RBPMS: variants seen among roughly 807,000 people sequenced by gnomAD.
The protein encoded by RBPMS is RNA-binding protein with multiple splicing.
RBPMS carries 7 observed loss-of-function variants against 26.8 expected under a neutral mutation model. That is an observed-to-expected ratio of 0.26 (90% confidence interval 0.15 to 0.49). RBPMS has a LOEUF of 0.49. Among genes scored for constraint, RBPMS ranks in the 20% least tolerant of loss-of-function variants. The pLI is 0.98. For missense variants in RBPMS, 186 were observed against 250.0 expected, an observed-to-expected ratio of 0.74 and a Z score of 1.73; for synonymous variants, 96 against 93.3, an observed-to-expected ratio of 1.03 and a Z score of -0.17.
intron 1 of RBPMS, chr8:30,442,930 C>T (rs1177337330): frequency 1.3e-5 from 2 of 152,198 alleles, no homozygotes; most frequent in East Asian, 3.8e-4. Flanking sequence ...GCGATAAGCT[C>T]TCCGACCGTG....
At chr8:30,530,528 T>G (rs1233676534) in intron 5 of RBPMS, among the ~76,000 whole-genome samples, 1 of 152,174 alleles carries the variant, frequency 6.6e-6, no homozygotes, top group African/African-American at 2.4e-5. Flanking sequence ...AGTGGTGCGA[T>G]CTCAGCTCAC....
chr8:30,553,091 T>C (rs1826532296), intron 6 of RBPMS: 2 of 152,268 alleles, frequency 1.3e-5, no homozygotes, highest in African/African-American at 2.4e-5. Flanking sequence ...ACATTCTGCC[T>C]AGATCATAGC....
chr8:30,568,053 C>A (rs377467958), intron 8 of RBPMS, among the ~76,000 whole-genome samples: 1 of 152,204 alleles, frequency 6.6e-6, no homozygotes, highest in African/African-American at 2.4e-5. Context: ...GAAGACCATG[C>A]CCCTAGAGGC....
At chr8:30,558,398 C>A (rs1365991760) in intron 6 of RBPMS, 2 of 193,626 alleles carry the variant, frequency 1.0e-5, no homozygotes, top group African/African-American at 2.3e-5. Flanking sequence ...AAGCTGGAAC[C>A]CTTTTTTTAA....
intron 4 of RBPMS, among the ~76,000 whole-genome samples, chr8:30,483,249 T>C (rs558988025): frequency 2.8e-4 from 42 of 152,320 alleles, no homozygotes; most frequent in Admixed American, 5.2e-4. Context: ...TAAAAAGTTT[T>C]GGACTCTTTA....
chr8:30,389,079 A>G (rs568691576), intron 1 of RBPMS, among the ~76,000 whole-genome samples: 2 of 152,354 alleles, frequency 1.3e-5, no homozygotes, highest in Non-Finnish European at 2.9e-5. Flanking sequence ...TCAAATTTTC[A>G]TTGAGCATTA....
At chr8:30,544,874 C>T in intron 6 of RBPMS, 1 of 1,502,070 alleles carries the variant, frequency 6.7e-7, no homozygotes, top group Non-Finnish European at 8.9e-7. Context: ...GATCTCACCT[C>T]ATATCGCACA....
intron 6 of RBPMS, chr8:30,553,707 T>C (rs1199181646): frequency 6.6e-6 from 1 of 152,234 alleles, no homozygotes; most frequent in Non-Finnish European, 1.5e-5. Flanking sequence ...CTTCAAAACA[T>C]TAACCCATTA....
Position 30,385,080 on chromosome 8 carries a change from A to T in RBPMS, c.-13A>T. 12 of 1,507,262 alleles carry T rather than the reference A, an allele frequency of 8.0e-6. No individual in the cohort carries two copies. The highest frequency in any genetic ancestry group is 1.1e-5 in the Non-Finnish European group (12 of 1,127,514). The allele number at this position is 1,507,262 out of a possible 1,614,324, so 93.4% of individuals were successfully genotyped here. On this transcript the variant is annotated 5_prime_UTR_variant, in exon 1 of 9. Coordinates refer to ENST00000397323, the MANE Select transcript of RBPMS (RefSeq NM_001008710.3). ...CCCAGCCCTGCCCGGCCCGGCGAGGAAGGACCGGGAAGATGAACAACGGCG... is the reference window on the plus strand; with the variant it reads ...CCCAGCCCTGCCCGGCCCGGCGAGGTAGGACCGGGAAGATGAACAACGGCG...
chr8:30,539,633 C>CT (rs111726637), intron 5 of RBPMS, among the ~76,000 whole-genome samples: 33,348 of 144,892 alleles, frequency 0.23, 3,769 homozygotes, highest in South Asian at 0.39. Flanking sequence ...AAAATCTTTT[C>CT]TTTTTTTTTT....
chr8:30,551,175 T>C (rs533580720), intron 6 of RBPMS, among the ~76,000 whole-genome samples: 5 of 142,568 alleles, frequency 3.5e-5, no homozygotes, highest in Non-Finnish European at 6.3e-5. Context: ...CTTCCGTCAT[T>C]TGCAGTGAGA....
chr8:30,528,781 G>T (rs1290447575), intron 5 of RBPMS, among the ~76,000 whole-genome samples: 3 of 152,164 alleles, frequency 2.0e-5, no homozygotes, highest in Non-Finnish European at 4.4e-5. Flanking sequence ...AGCCAAGTCT[G>T]TCAGGTCACA....
chr8:30,521,041 G>A lies in RBPMS; in HGVS notation c.397+16605G>A, dbSNP rs1010468927. On this transcript the variant is annotated intron_variant, in intron 5 of 8. Coordinates refer to ENST00000397323, the MANE Select transcript of RBPMS (RefSeq NM_001008710.3). ...TCTTGTAAAAAGTGTGTCTTTGCAC[G>A]TAAGATAAACATAAAACAGACTGAG... Among the ~76,000 whole-genome samples, 6 of 152,154 alleles carry A rather than the reference G, an allele frequency of 3.9e-5. No homozygotes were observed. The East Asian group carries it at 7.7e-4, about 20-fold the overall frequency.
intron 4 of RBPMS, among the ~76,000 whole-genome samples, chr8:30,487,358 G>A (rs1261004032): frequency 1.3e-5 from 2 of 152,184 alleles, no homozygotes; most frequent in East Asian, 3.8e-4. Context: ...GCTCCACAAA[G>A]CTAGAACCCT....
intron 5 of RBPMS, among the ~76,000 whole-genome samples, chr8:30,532,895 C>G (rs897563221): frequency 3.3e-5 from 5 of 152,122 alleles, no homozygotes; most frequent in African/African-American, 1.2e-4. Context: ...AGGATACATT[C>G]AGTTAAACAG....
intron 5 of RBPMS, among the ~76,000 whole-genome samples, chr8:30,525,726 T>A (rs1007205944): frequency 1.3e-5 from 2 of 152,224 alleles, no homozygotes; most frequent in Non-Finnish European, 1.5e-5. Context: ...GTGACTCTAG[T>A]ACAGAGAAAG....
chr8:30,487,425 G>A (rs1159947224), intron 4 of RBPMS, among the ~76,000 whole-genome samples: 1 of 152,214 alleles, frequency 6.6e-6, no homozygotes, highest in East Asian at 1.9e-4. Flanking sequence ...AGGGAGTCGG[G>A]TAGGACTTAA....
intron 7 of RBPMS, among the ~76,000 whole-genome samples, chr8:30,559,602 T>C (rs1188210935): frequency 6.6e-6 from 1 of 152,218 alleles, no homozygotes; most frequent in Non-Finnish European, 1.5e-5. Context: ...ATTCAGAAAT[T>C]CTGAATTTCT....
chr8:30,548,308 G>C (rs576357900), intron 6 of RBPMS, among the ~76,000 whole-genome samples: 1 of 151,076 alleles, frequency 6.6e-6, no homozygotes, highest in African/African-American at 2.4e-5. Context: ...TTTCAGTCTT[G>C]TTGTGATGGG....
Sources: allele counts gnomAD v4.1 joint callset (sites outside exome capture counted in the v4.1 genomes callset), GRCh38; gene constraint gnomAD v4.1.1; transcripts MANE v1.5; gene names NCBI Gene and HGNC (gene_info 2026-07-23, HGNC 2026-07-21).